The following RAD54L2 variants were observed in gnomAD, a reference collection of about 807,000 sequenced individuals.
RAD54L2 encodes RAD54 like 2.
A neutral mutation model predicts 138.4 loss-of-function variants in RAD54L2; 27 were observed. The observed-to-expected ratio is 0.20, with a 90% CI of 0.14 to 0.27. The LOEUF is 0.27. Among genes scored for constraint, RAD54L2 ranks in the 10% least tolerant of loss-of-function variants. The pLI, the probability that RAD54L2 is intolerant of heterozygous loss-of-function variation, is 1.00. For missense variants in RAD54L2, 1,396 were observed against 1,890.2 expected (o/e 0.74, Z 4.85); for synonymous variants, 644 against 723.2 (o/e 0.89, Z 1.76).
At chr3:51,620,258 A>ATTTTTTTTT (rs34861378) in intron 3 of RAD54L2, among the ~76,000 whole-genome samples, 1 of 123,492 alleles carries the variant, frequency 8.1e-6, no homozygotes, top group African/African-American at 3.2e-5. Context: ...TGCTCAGCTA[A>ATTTTTTTTT]TTTTTTTTTT....
intron 3 of RAD54L2, among the ~76,000 whole-genome samples, chr3:51,617,033 C>T (rs1161120847): frequency 1.3e-5 from 2 of 152,106 alleles, no homozygotes; most frequent in Non-Finnish European, 2.9e-5. Context: ...CTGTGAGATT[C>T]ATCTGTGTTG....
intron 3 of RAD54L2, among the ~76,000 whole-genome samples, chr3:51,615,116 C>T (rs758089920): frequency 1.7e-4 from 26 of 152,026 alleles, no homozygotes; most frequent in African/African-American, 2.7e-4. Context: ...TGAGTTAAAG[C>T]GATTCTCCTG....
At chr3:51,600,279 C>T (rs1197081863) in intron 3 of RAD54L2, among the ~76,000 whole-genome samples, 1 of 152,020 alleles carries the variant, frequency 6.6e-6, no homozygotes, top group Admixed American at 6.6e-5. Context: ...GTCTATATAG[C>T]TTCAGTGGGA....
intron 2 of RAD54L2, among the ~76,000 whole-genome samples, chr3:51,577,211 AGTTT>A (rs1699500078): frequency 6.6e-6 from 1 of 152,152 alleles, no homozygotes; most frequent in South Asian, 2.1e-4. Context: ...TCTGAGAGAC[AGTTT>A]GTTATAATTT....
intron 21 of RAD54L2, among the ~76,000 whole-genome samples, chr3:51,657,916 CTTTTTTT>C (rs71084155): frequency 4.6e-5 from 4 of 87,408 alleles, no homozygotes; most frequent in Non-Finnish European, 8.7e-5. Flanking sequence ...ATCTTGCTGT[CTTTTTTT>C]TTTTTTTTTT....
chr3:51,585,975 G>A (rs1164640893), intron 2 of RAD54L2, among the ~76,000 whole-genome samples: 3 of 152,064 alleles, frequency 2.0e-5, no homozygotes, highest in Non-Finnish European at 4.4e-5. Context: ...CTAGAATGAG[G>A]AGCAAATGAG....
intron 22 of RAD54L2, among the ~76,000 whole-genome samples, chr3:51,661,047 G>A (rs1334828154): frequency 2.0e-5 from 3 of 151,772 alleles, no homozygotes; most frequent in Middle Eastern, 3.4e-3. Context: ...TCCGCCTCCC[G>A]GGTTCAAACG....
chr3:51,619,490 CT>C (rs201347889), intron 3 of RAD54L2, among the ~76,000 whole-genome samples: 284 of 144,390 alleles, frequency 2.0e-3, no homozygotes, highest in Middle Eastern at 3.7e-3. Flanking sequence ...ATGTGTCTCT[CT>C]TTTTTTTTTT....
Position 51,594,970 on chromosome 3 carries a change from T to C in RAD54L2, c.139+4411T>C, listed in dbSNP as rs376899047. ...ACCTTCACCTCCCAGGTTCAAGCGATTCTCCTGCCTCAGCCTCCTGAGTAG... is the reference window on the plus strand; with the variant it reads ...ACCTTCACCTCCCAGGTTCAAGCGACTCTCCTGCCTCAGCCTCCTGAGTAG... On this transcript the variant is annotated intron_variant, in intron 3 of 22. Transcript: ENST00000684192. Among the ~76,000 whole-genome samples the C allele has an allele frequency of 4.1e-5, 6 of 144,868 alleles. No homozygotes were observed. The South Asian group carries it at 9.0e-4, about 22-fold the overall frequency.
chr3:51,651,037 A>G (rs1701418230), intron 19 of RAD54L2, among the ~76,000 whole-genome samples: 1 of 152,204 alleles, frequency 6.6e-6, no homozygotes, highest in African/African-American at 2.4e-5. Context: ...ATAGAACACT[A>G]GCAAGACTAA....
At position 51,627,658 on chromosome 3, in the gene RAD54L2, C is replaced by G. The variant is rs1318741371; in HGVS notation, c.245C>G (p.Ser82Ter). ...ACTACCTCATCTCAGTCTGAGCCTT[C>G]AGAGCAGCTTAGGCGCCACCAAGGC... is the stretch of plus-strand genomic sequence containing the variant. ...TSTTSSQSEPSEQLRRHQGKN... is the reference protein window; with the variant it reads ...TSTTSSQSEP The change falls in exon 4 of 23, where the codon TCA (serine) becomes TGA (stop). Residue 82 changes from serine (S) to a stop codon, truncating the protein, a stop_gained. Transcript: ENST00000684192. LOFTEE classifies it high-confidence loss of function. The G allele has an allele frequency of 6.2e-7, 1 of 1,606,476 alleles. No individual in the cohort carries two copies. The highest frequency in any genetic ancestry group is 1.7e-5 in the Admixed American group (1 of 58,602).
intron 2 of RAD54L2, among the ~76,000 whole-genome samples, chr3:51,557,957 C>G (rs1472243328): frequency 6.6e-6 from 1 of 151,898 alleles, no homozygotes; most frequent in Non-Finnish European, 1.5e-5. Context: ...GTGATCCTCT[C>G]ACCTCAGCCC....
rs1270521282 is a variant in RAD54L2 at position 51,665,192 on chromosome 3, T to C, written c.*1772T>C. The C allele has an allele frequency of 4.0e-5, 6 of 151,168 alleles. No individual in the cohort carries two copies. The highest frequency in any genetic ancestry group is 4.9e-5 in the African/African-American group (2 of 41,120). 9.4% of individuals were successfully genotyped at this position (151,168 alleles called of 1,614,324 possible). Reference sequence around the variant, plus strand: ...CTCTGTATCCCCCACCCCAACACTTTGCCAGACAGTTCTTTATGATGAACA... The same window carrying C: ...CTCTGTATCCCCCACCCCAACACTTCGCCAGACAGTTCTTTATGATGAACA... On this transcript the variant is annotated 3_prime_UTR_variant, in exon 23 of 23. Transcript: ENST00000684192.
chr3:51,662,450 C>A lies in RAD54L2; in HGVS notation c.3434C>A (p.Ser1145Tyr). 6.5e-7 allele frequency: 1 copy of A among 1,536,776 alleles called. No individual in the cohort carries two copies. The highest frequency in any genetic ancestry group is 8.8e-7 in the Non-Finnish European group (1 of 1,141,158). Reference sequence around the variant, plus strand: ...GGTTCCCAGGGACCTTCTTGCGAGTCCACAAGCAACGGCAGACACAGTGCC... The same window carrying A: ...GGTTCCCAGGGACCTTCTTGCGAGTACACAAGCAACGGCAGACACAGTGCC... ...ASGSQGPSCE[S>Y]TSNGRHSASS... Residue 1145 changes from serine to tyrosine, a missense_variant, in exon 23 of 23, where the codon TCC becomes TAC. By Grantham distance (144) the Ser-to-Tyr change is moderately radical. This residue lies in a region of RAD54L2 where 634 missense variants were observed against 711.2 expected (regional missense o/e 0.89). Coordinates refer to ENST00000684192, the MANE Select transcript of RAD54L2 (RefSeq NM_015106.4). The surrounding 1 kb of genome is among the most constrained non-coding windows in gnomAD (Gnocchi z 4.6).
intron 3 of RAD54L2, among the ~76,000 whole-genome samples, chr3:51,591,892 TG>T (rs1205354213): frequency 8.5e-5 from 13 of 152,180 alleles, no homozygotes; most frequent in Non-Finnish European, 1.9e-4. Flanking sequence ...TCTTCCCTGT[TG>T]GCTTCTTGGA....
intron 2 of RAD54L2, among the ~76,000 whole-genome samples, chr3:51,580,783 A>G (rs1477973000): frequency 6.6e-6 from 1 of 152,200 alleles, no homozygotes. Flanking sequence ...GAACTGTGAG[A>G]AGCAGAGCCA....
chr3:51,578,276 C>T (rs1340365839), intron 2 of RAD54L2, among the ~76,000 whole-genome samples: 1 of 152,054 alleles, frequency 6.6e-6, no homozygotes, highest in Non-Finnish European at 1.5e-5. Flanking sequence ...GGATCCTTGT[C>T]TTCTAATTCT....
chr3:51,657,562 G>A lies in RAD54L2; in HGVS notation c.3227-18G>A, dbSNP rs1341131390. ...CAGGCCCCGTGCAATCTAAATTTAA[G>A]ATCTGTGTTTTTCCTAGATATTGTT... On this transcript the variant is annotated intron_variant, in intron 20 of 22. Transcript: ENST00000684192. 1.3e-6 allele frequency: 2 copies of A among 1,500,142 alleles called. No homozygotes were observed. Among genetic ancestry groups the A allele is most frequent in the Non-Finnish European group, 1.8e-6 (2 of 1,096,688 alleles). The allele number at this position is 1,500,142 out of a possible 1,614,324, so 92.9% of individuals were successfully genotyped here. A position where few individuals can be genotyped will look rare whatever the true frequency, so the allele number is the denominator to read the frequency against.
intron 19 of RAD54L2, among the ~76,000 whole-genome samples, chr3:51,649,443 A>G (rs1316572705): frequency 6.6e-6 from 1 of 152,198 alleles, no homozygotes; most frequent in Non-Finnish European, 1.5e-5. Flanking sequence ...GGAAATACAG[A>G]GAACACCACA....
Sources: allele counts gnomAD v4.1 joint callset (sites outside exome capture counted in the v4.1 genomes callset), GRCh38; gene constraint gnomAD v4.1.1; regional missense constraint gnomAD v4.1.1; non-coding constraint Gnocchi (gnomAD v3.1); transcripts MANE v1.5; gene names NCBI Gene and HGNC (gene_info 2026-07-23, HGNC 2026-07-21).